PARP10: variants seen among roughly 807,000 people sequenced by gnomAD.
PARP10 encodes protein mono-ADP-ribosyltransferase PARP10.
PARP10 carries 56 observed loss-of-function variants against 82.4 expected under a neutral mutation model. The ratio of observed to expected loss-of-function variants is 0.68; its 90% confidence interval spans 0.55 to 0.85. PARP10 has a LOEUF of 0.85. Among genes scored for constraint, PARP10 ranks in the 40% least tolerant of loss-of-function variants. The probability of loss-of-function intolerance (pLI) is 0.00; values close to 1 mark genes in which losing one functional copy is unlikely to be tolerated. For synonymous variants in PARP10, 576 were observed against 601.1 expected (o/e 0.96, Z 0.61); for missense variants, 1,227 against 1,379.4 (o/e 0.89, Z 1.75).
chr8:144,003,402 C>A (rs190002493), intron 1 of PARP10, among the ~76,000 whole-genome samples: 1 of 139,886 alleles, frequency 7.1e-6, no homozygotes, highest in East Asian at 2.1e-4. Context: ...GCACTCCAGC[C>A]TGGGTGACAG....
chr8:143,979,880 C>A (rs1476314983), intron 9 of PARP10, among the ~76,000 whole-genome samples: 2 of 151,672 alleles, frequency 1.3e-5, no homozygotes, highest in Middle Eastern at 3.2e-3. Context: ...GGCGCGGTGG[C>A]GGGCGCCTGT....
upstream of PARP10, chr8:143,992,150 G>A (rs1424814120): frequency 1.2e-6 from 2 of 1,601,672 alleles, no homozygotes; most frequent in African/African-American, 1.3e-5. Flanking sequence ...TTCCGGGCCT[G>A]GTCACCGTGG....
rs374752631 is a variant in PARP10, at chr8:143,983,353, G to C, written c.2236C>G (p.Leu746Val). Reference protein sequence around the residue: ...EETVGPWRRTLPAELRARLER... With the variant: ...EETVGPWRRTVPAELRARLER... ...AGGCGAGCACGCAGCTCTGCAGGCA[G>C]TGTGCGGCGCCAGGGCCCCACCGTC... The change falls in exon 8 of 11, where the codon CTG becomes GTG. Residue 746 changes from leucine (L) to valine (V), a missense_variant. Transcript: ENST00000313028. 1.7e-5 allele frequency: 27 copies of C among 1,608,180 alleles called. No individual in the cohort carries two copies. The African/African-American group carries it at 2.9e-4, about 18-fold the overall frequency.
chr8:143,982,034 G>A, intron 9 of PARP10, among the ~76,000 whole-genome samples: 1 of 85,710 alleles, frequency 1.2e-5, no homozygotes, highest in South Asian at 4.0e-4. Context: ...GGTGGTGAGG[G>A]TCATGGTGAT....
In PARP10 at chr8:144,008,817, C is replaced by T. The variant is rs990666092; in HGVS notation, c.-80+3713G>A. Among the ~76,000 whole-genome samples the T allele has an allele frequency of 6.6e-6, 1 of 152,172 alleles. No homozygotes were observed. The highest frequency in any genetic ancestry group is 1.5e-5 in the Non-Finnish European group (1 of 68,044). On this transcript the variant is annotated intron_variant, in intron 1 of 3. Transcript: ENST00000530478. This position sits in a 1 kb window ranked among gnomAD's most constrained non-coding sequence, Gnocchi z 4.0. ...GTACTCTTTATACCAAGCTCAAACC[C>T]AACAGACTTGGATACCAAAGGACAC...
chr8:144,001,232 GAC>G (rs1834200518), intron 1 of PARP10, among the ~76,000 whole-genome samples: 1 of 149,824 alleles, frequency 6.7e-6, no homozygotes, highest in African/African-American at 2.5e-5. Flanking sequence ...TTATTTTTTA[GAC>G]AGAGTCTCAC....
intron 9 of PARP10, among the ~76,000 whole-genome samples, chr8:143,981,367 A>G (rs1833852725): frequency 2.6e-5 from 3 of 116,664 alleles, no homozygotes; most frequent in Non-Finnish European, 5.6e-5. Flanking sequence ...GATGGTGGTG[A>G]CGACAGTGAG....
At chr8:143,991,624 G>T, upstream of PARP10, 2 of 1,600,442 alleles carry the variant, frequency 1.2e-6, no homozygotes, top group South Asian at 2.2e-5. Context: ...GAAGGGAGGG[G>T]TGGGGTGGCC....
rs1554748744 is a variant in PARP10, at chr8:143,984,715, A to G, written c.1287T>C (p.Pro429=). The part of the protein sequence containing the change: ...ITMGSLEKAG[P]VSPGCVKLAG... ...CCAGCTTCACACATCCTGGGCTCACAGGCCCTGCCTTCTCCAGAGACCCCA... is the reference window on the plus strand; with the variant it reads ...CCAGCTTCACACATCCTGGGCTCACGGGCCCTGCCTTCTCCAGAGACCCCA... The change falls in exon 5 of 11, where the codon CCT becomes CCC. Residue 429 remains proline (P), a synonymous_variant. Coordinates refer to ENST00000313028, the MANE Select transcript of PARP10 (RefSeq NM_032789.5). The G allele has an allele frequency of 1.2e-6, 2 of 1,613,622 alleles. No homozygotes were observed. The highest frequency in any genetic ancestry group is 1.1e-5 in the South Asian group (1 of 91,056).
At position 143,983,136 on chromosome 8, in the gene PARP10, C is replaced by T. The variant is rs782081545; in HGVS notation, c.2422+31G>A. The T allele has an allele frequency of 1.9e-6, 3 of 1,611,950 alleles. No individual in the cohort carries two copies. In the South Asian group the frequency reaches 3.3e-5, roughly 18 times the overall value. On this transcript the variant is annotated intron_variant, in intron 8 of 10. Coordinates refer to ENST00000313028, the MANE Select transcript of PARP10 (RefSeq NM_032789.5). ...CTAGCCCCTGCTAACCAGCCCACCC[C>T]ACCGTCCCTCAGTCCAGGAGGTAGA...
chr8:143,985,990 G>T lies in PARP10; in HGVS notation c.182-15C>A. 1 of 1,596,084 alleles carries T rather than the reference G, an allele frequency of 6.3e-7. No individual in the cohort carries two copies. The highest frequency in any genetic ancestry group is 2.3e-5 in the East Asian group (1 of 44,432). On this transcript the variant is annotated splice_polypyrimidine_tract_variant and intron_variant, in intron 2 of 10. Transcript: ENST00000313028. ...CCTCTCGGCGTCTGTGGGCAGGGGC[G>T]GGGCAGGATGTCAGGCATTAGAATA...
Position 143,986,442 on chromosome 8 carries a change from G to C in PARP10, c.-83C>G. On this transcript the variant is annotated 5_prime_UTR_variant, in exon 1 of 11. Transcript: ENST00000313028. ...CCCCTCAGCAAGCCTAACCCTGCTG[G>C]GAGCAGGAAAACAAAAGTGAAACTG... 1.2e-6 allele frequency: 2 copies of C among 1,607,018 alleles called. No individual in the cohort carries two copies. The highest frequency in any genetic ancestry group is 1.7e-6 in the Non-Finnish European group (2 of 1,174,136).
intron 9 of PARP10, among the ~76,000 whole-genome samples, chr8:143,980,269 G>T (rs1259944484): frequency 4.7e-5 from 6 of 127,920 alleles, no homozygotes; most frequent in Non-Finnish European, 7.9e-5. Context: ...GCAGTGAGCT[G>T]AGATTGCACC....
intron 1 of PARP10, among the ~76,000 whole-genome samples, chr8:144,010,598 G>T (rs1314333830): frequency 6.6e-6 from 1 of 152,158 alleles, no homozygotes; most frequent in Non-Finnish European, 1.5e-5. Context: ...TCTTCTGCCA[G>T]GCACAGTAGC....
rs144631926 is a variant in PARP10, at chr8:143,983,450, C to G, written c.2139G>C (p.Ser713=). The change falls in exon 8 of 11, where the codon TCG becomes TCC. Residue 713 remains serine, a synonymous_variant. Coordinates refer to ENST00000313028, the MANE Select transcript of PARP10 (RefSeq NM_032789.5). The part of the protein sequence containing the change: ...TDGKAQLVVH[S]AFEQDVEELD... ...GCTCCTCCACATCCTGCTCAAAGGC[C>G]GAGTGCACCACCAGCTGGGCCTTGC... is the stretch of plus-strand genomic sequence containing the variant. 22 of 1,605,982 alleles carry G rather than the reference C, an allele frequency of 1.4e-5. No homozygotes were observed. Among genetic ancestry groups the G allele is most frequent in the Admixed American group, 1.7e-5 (1 of 59,898 alleles).
intron 1 of PARP10, among the ~76,000 whole-genome samples, chr8:144,000,908 G>GTTTTTTTTTTTTTTTTTT (rs781813743): frequency 2.1e-5 from 1 of 48,036 alleles, no homozygotes; most frequent in Non-Finnish European, 4.0e-5. Flanking sequence ...TTGTGTGTGT[G>GTTTTTTTTTTTTTTTTTT]TTTTTTTTTT....
rs1833893625 is a variant in PARP10, at chr8:143,982,848, G to A, written c.2556+84C>T. 3.2e-6 allele frequency: 5 copies of A among 1,558,974 alleles called. No homozygotes were observed. In the East Asian group the frequency reaches 1.1e-4, roughly 35 times the overall value. On this transcript the variant is annotated intron_variant, in intron 9 of 10. Transcript: ENST00000313028. ...TCAGCTGACCTTGATGTAGGCGAGA[G>A]GGACAGGCCACAGACTTGGCAAGGC... is the stretch of plus-strand genomic sequence containing the variant.
chr8:144,004,232 G>T (rs1317695526), intron 1 of PARP10, among the ~76,000 whole-genome samples: 1 of 152,112 alleles, frequency 6.6e-6, no homozygotes, highest in Admixed American at 6.5e-5. Context: ...GATCACTTGA[G>T]CCCAGGAGGT....
Position 143,985,320 on chromosome 8 carries a change from G to A in PARP10, c.682C>T (p.Arg228Ter), listed in dbSNP as rs372202325. ...AACCGGTGCTCCTGCTGCAACACTCGTTCTGCCACTTGGAGGAAGGGAAAG... is the reference window on the plus strand; with the variant it reads ...AACCGGTGCTCCTGCTGCAACACTCATTCTGCCACTTGGAGGAAGGGAAAG... ...ASFQQWQVAE[R>*]VLQQEHRLQG... Residue 228 changes from arginine (R) to a stop codon, truncating the protein, a stop_gained, in exon 5 of 11, where the codon CGA becomes TGA. Coordinates refer to ENST00000313028, the MANE Select transcript of PARP10 (RefSeq NM_032789.5). LOFTEE classifies it high-confidence loss of function. 1.4e-5 allele frequency: 22 copies of A among 1,605,518 alleles called. No homozygotes were observed. Among genetic ancestry groups the A allele is most frequent in the African/African-American group, 5.4e-5 (4 of 74,678 alleles).
Sources: allele counts gnomAD v4.1 joint callset (sites outside exome capture counted in the v4.1 genomes callset), GRCh38; gene constraint gnomAD v4.1.1; non-coding constraint Gnocchi (gnomAD v3.1); transcripts MANE v1.5; gene names NCBI Gene and HGNC (gene_info 2026-07-23, HGNC 2026-07-21).